AK9: variants seen among roughly 807,000 people sequenced by gnomAD.
AK9 encodes the protein adenylate kinase domain containing 1.
Under a neutral mutation model 239.6 loss-of-function variants are expected in AK9, and 191 were observed. The ratio of observed to expected loss-of-function variants is 0.80; its 90% CI spans 0.71 to 0.90. AK9 has a LOEUF of 0.90. Ranked by LOEUF, AK9 falls within the 40% of genes least tolerant of loss-of-function variation. The pLI, the probability that AK9 is intolerant of heterozygous loss-of-function variation, is 0.00. For synonymous variants in AK9, 689 were observed against 721.0 expected, an observed-to-expected ratio of 0.96 and a Z score of 0.71; for missense variants, 1,995 against 2,214.7, an observed-to-expected ratio of 0.90 and a Z score of 1.99.
At position 109,659,248 on chromosome 6, in the gene AK9, C is replaced by A; in HGVS notation, c.610G>T (p.Glu204Ter). Residue 204 changes from glutamate to a stop codon, truncating the protein, a stop_gained, in exon 7 of 41, where the codon GAA becomes TAA. Coordinates refer to ENST00000424296, the MANE Select transcript of AK9 (RefSeq NM_001145128.3). LOFTEE classifies it high-confidence loss of function. ...DGKGEEEEEE[E>*]EQEEEEAFIA... ...ATTACCTCTTCTTCTTCTTGCTCTTCTTCCTCTTCTTCCTCTTCTCCTTTT... is the reference window on the plus strand; with the variant it reads ...ATTACCTCTTCTTCTTCTTGCTCTTATTCCTCTTCTTCCTCTTCTCCTTTT... 1 of 1,580,348 alleles carries A rather than the reference C, an allele frequency of 6.3e-7. No homozygotes were observed.
chr6:109,554,773 C>A (rs1784782905), intron 24 of AK9, among the ~76,000 whole-genome samples: 1 of 152,096 alleles, frequency 6.6e-6, no homozygotes, highest in Non-Finnish European at 1.5e-5. Flanking sequence ...CTCAGGTGAT[C>A]TGCCCGCCTT....
chr6:109,621,965 C>CA (rs1233821911), intron 12 of AK9, among the ~76,000 whole-genome samples: 89 of 48,122 alleles, frequency 1.8e-3, no homozygotes, highest in African/African-American at 6.5e-3. Flanking sequence ...AAAAAAAAAA[C>CA]AAAAAAAACT....
chr6:109,595,535 T>C (rs1373144833), intron 17 of AK9, among the ~76,000 whole-genome samples: 3 of 152,128 alleles, frequency 2.0e-5, no homozygotes, highest in Non-Finnish European at 4.4e-5. Flanking sequence ...CATTTTACTA[T>C]AAAGACATAT....
intron 21 of AK9, 66 bp from the exon 22 acceptor site, chr6:109,564,911 G>A: frequency 8.0e-7 from 1 of 1,246,148 alleles, no homozygotes; most frequent in South Asian, 1.6e-5. Context: ...GAAAGTTTTG[G>A]CACAAAGAAC....
At chr6:109,614,585 A>G in intron 13 of AK9, 105 bp from the exon 14 acceptor site, 2 of 877,926 alleles carry the variant, frequency 2.3e-6, no homozygotes, top group South Asian at 2.9e-5. Context: ...GTTGAGTTTC[A>G]GTTCTGACTT....
chr6:109,623,862 G>GAGAC (rs1795155040), intron 12 of AK9, among the ~76,000 whole-genome samples: 1 of 136,122 alleles, frequency 7.3e-6, no homozygotes, highest in Non-Finnish European at 1.6e-5. Context: ...AGGAATCTTA[G>GAGAC]ACACACACAC....
chr6:109,652,776 C>G (rs373061264), intron 8 of AK9, among the ~76,000 whole-genome samples: 63 of 152,284 alleles, frequency 4.1e-4, no homozygotes, highest in Admixed American at 1.3e-3. Context: ...CTCCCTGCTC[C>G]TCCATGCTGC....
chr6:109,495,552 A>G, intron 38 of AK9, 112 bp from the exon 39 acceptor site: 1 of 673,514 alleles, frequency 1.5e-6, no homozygotes, highest in Non-Finnish European at 2.3e-6. Flanking sequence ...TCTGCACTGG[A>G]GAAAATGATA....
At chr6:109,676,610 T>TTTAAAAATCCCTAATTG (rs1239825781) in intron 1 of AK9, among the ~76,000 whole-genome samples, 2 of 152,090 alleles carry the variant, frequency 1.3e-5, no homozygotes, top group African/African-American at 4.8e-5. Flanking sequence ...TAAAAGTATT[T>TTTAAAAATCCCTAATTG]TTAAAAATCC....
intron 21 of AK9, among the ~76,000 whole-genome samples, chr6:109,570,308 AT>A (rs1406710907): frequency 6.6e-6 from 1 of 152,118 alleles, no homozygotes; most frequent in Non-Finnish European, 1.5e-5. Flanking sequence ...GAGGGATAGC[AT>A]TAGGAGGTAT....
chr6:109,568,276 T>C (rs1032299436), intron 21 of AK9, among the ~76,000 whole-genome samples: 2 of 152,054 alleles, frequency 1.3e-5, no homozygotes, highest in African/African-American at 4.8e-5. Context: ...ATGAGACGTA[T>C]CTAAAAATAA....
chr6:109,613,028 T>C (rs897935688), intron 15 of AK9, among the ~76,000 whole-genome samples: 17 of 149,404 alleles, frequency 1.1e-4, no homozygotes, highest in African/African-American at 4.1e-4. Context: ...ATTGAACGTT[T>C]ATAGAATTTG....
At chr6:109,521,576 C>T (rs1779867617) in intron 29 of AK9, among the ~76,000 whole-genome samples, 3 of 151,976 alleles carry the variant, frequency 2.0e-5, no homozygotes. Context: ...GTATTTGGTG[C>T]TTCATGTAGA....
At chr6:109,666,039 T>C (rs9372223) in intron 5 of AK9, among the ~76,000 whole-genome samples, 31,742 of 152,124 alleles carry the variant, frequency 0.21, 3,482 homozygotes, top group South Asian at 0.34. Flanking sequence ...CTGATGGAAA[T>C]GGCAGAAGAA....
rs372572064 is a variant in AK9, at chr6:109,514,298, C to T, written c.4205G>A (p.Arg1402His). ...KFMKNPIKYI[R>H]QPKPKPTVPI... ...CACAGTAGGCTTAGGTTTGGGTTGGCGGATATATTTGATTGGGTTCTTCAT... is the reference window on the plus strand; with the variant it reads ...CACAGTAGGCTTAGGTTTGGGTTGGTGGATATATTTGATTGGGTTCTTCAT... The change falls in exon 32 of 41, where the codon CGC (arginine) becomes CAC (histidine). Residue 1402 changes from arginine to histidine, a missense_variant. Physicochemically the swap from Arg to His is conservative, Grantham distance 29. This residue lies in a region of AK9 where 1,290 missense variants were observed against 1,392.7 expected (regional missense o/e 0.93). Transcript: ENST00000424296. 55 of 1,551,608 alleles carry T rather than the reference C, an allele frequency of 3.5e-5. No individual in the cohort carries two copies. The African/African-American group carries it at 4.1e-4, about 12-fold the overall frequency.
At chr6:109,494,325 A>T in intron 39 of AK9, 2 of 440,838 alleles carry the variant, frequency 4.5e-6, no homozygotes, top group Non-Finnish European at 8.3e-6. Context: ...CAGCTAAGTG[A>T]TGGATAGGAG....
In AK9 at chr6:109,509,870, C is replaced by T. The variant is rs560899707; in HGVS notation, c.4280-490G>A. 1.6e-4 allele frequency among the ~76,000 whole-genome samples: 25 copies of T among 152,144 alleles called. No individual in the cohort carries two copies. In the East Asian group the frequency reaches 2.9e-3, roughly 18 times the overall value. ...TTGGGGGGTTTTCCCAGGTGCAGGA[C>T]CCAGGCATCTCTGCATCTCTGCAGC... On this transcript the variant is annotated intron_variant, in intron 32 of 40. Coordinates refer to ENST00000424296, the MANE Select transcript of AK9 (RefSeq NM_001145128.3).
At chr6:109,640,637 A>C (rs1738910105) in intron 10 of AK9, among the ~76,000 whole-genome samples, 1 of 151,682 alleles carries the variant, frequency 6.6e-6, no homozygotes, top group Non-Finnish European at 1.5e-5. Context: ...GGCTGGTCTC[A>C]AACTCCTGGG....
At chr6:109,564,382 T>TA (rs1168524528) in intron 22 of AK9, 102 bp from the exon 23 acceptor site, 3 of 791,206 alleles carry the variant, frequency 3.8e-6, no homozygotes, top group East Asian at 2.8e-5. Context: ...TTTAAACAGT[T>TA]AAAAAAATAA....
Sources: allele counts gnomAD v4.1 joint callset (sites outside exome capture counted in the v4.1 genomes callset), GRCh38; gene constraint gnomAD v4.1.1; regional missense constraint gnomAD v4.1.1; transcripts MANE v1.5; gene names NCBI Gene and HGNC (gene_info 2026-07-23, HGNC 2026-07-21).